Variants in EHBP1 observed in about 807,000 individuals in gnomAD.
The protein encoded by EHBP1 is EH domain binding protein 1, also known as EH domain-binding protein 1.
Under a neutral mutation model 144.0 loss-of-function variants are expected in EHBP1, and 55 were observed. The ratio of observed to expected loss-of-function variants is 0.38; its 90% CI spans 0.31 to 0.48. EHBP1 has a LOEUF of 0.48. Among genes scored for constraint, EHBP1 ranks in the 20% least tolerant of loss-of-function variants. The pLI, the probability that EHBP1 is intolerant of heterozygous loss-of-function variation, is 0.98. For missense variants in EHBP1, 1,200 were observed against 1,364.2 expected, an observed-to-expected ratio of 0.88 and a Z score of 1.90; for synonymous variants, 469 against 472.7, an observed-to-expected ratio of 0.99 and a Z score of 0.10.
intron 10 of EHBP1, among the ~76,000 whole-genome samples, chr2:62,884,075 A>G (rs1480580090): frequency 2.6e-5 from 4 of 152,224 alleles, no homozygotes; most frequent in Admixed American, 2.6e-4. Flanking sequence ...TTCTGTGTGT[A>G]TAAAAAATGT....
At chr2:62,768,283 A>T (rs928907377) in intron 4 of EHBP1, among the ~76,000 whole-genome samples, 1 of 152,166 alleles carries the variant, frequency 6.6e-6, no homozygotes, top group African/African-American at 2.4e-5. Flanking sequence ...CTAGACTAAT[A>T]AGAAAAGAGA....
At chr2:62,675,817 A>T (rs1015965106) in intron 1 of EHBP1, among the ~76,000 whole-genome samples, 2 of 152,132 alleles carry the variant, frequency 1.3e-5, no homozygotes, top group African/African-American at 4.8e-5. Context: ...CTGTGGTGCA[A>T]TCTTGGTTTA....
chr2:62,805,913 A>C (rs2044412684), intron 5 of EHBP1, among the ~76,000 whole-genome samples: 1 of 152,088 alleles, frequency 6.6e-6, no homozygotes, highest in Non-Finnish European at 1.5e-5. Flanking sequence ...CTGCATTTAG[A>C]ACCTTTATGT....
intron 8 of EHBP1, among the ~76,000 whole-genome samples, chr2:62,861,765 A>G (rs1447612058): frequency 6.6e-6 from 1 of 151,776 alleles, no homozygotes; most frequent in Non-Finnish European, 1.5e-5. Flanking sequence ...AAAAAAAGAA[A>G]GAAAGTCTTC....
rs200182084 is a variant in EHBP1, at chr2:62,948,213, A to G, written c.1414-47A>G. 180 of 1,436,456 alleles carry G rather than the reference A, an allele frequency of 1.3e-4. No individual in the cohort carries two copies. In the African/African-American group the frequency reaches 2.4e-3, roughly 19 times the overall value. 89.0% of individuals were successfully genotyped at this position (1,436,456 alleles called of 1,614,324 possible). On this transcript the variant is annotated intron_variant, in intron 12 of 22. Coordinates refer to ENST00000431489, the MANE Select transcript of EHBP1 (RefSeq NM_001142616.3). ...AATGTGCTCTTTTTAAAATGTGTGA[A>G]TTATATGAACTGTTCAATATATCTT...
Position 62,826,069 on chromosome 2 carries a change from T to A in EHBP1, c.313-18T>A, listed in dbSNP as rs755802754. 4 of 1,434,202 alleles carry A rather than the reference T, an allele frequency of 2.8e-6. No homozygotes were observed. In the African/African-American group the frequency reaches 4.4e-5, roughly 16 times the overall value. The allele number at this position is 1,434,202 out of a possible 1,614,324, so 88.8% of individuals were successfully genotyped here. On this transcript the variant is annotated intron_variant, in intron 5 of 22. Coordinates refer to ENST00000431489, the MANE Select transcript of EHBP1 (RefSeq NM_001142616.3). ...AATAACTCAAAATTACATACTTTTT[T>A]TTTCTTTAATCTTCCAGGAATCCCC...
intron 3 of EHBP1, among the ~76,000 whole-genome samples, chr2:62,761,619 G>C (rs1281714811): frequency 1.3e-5 from 2 of 152,050 alleles, no homozygotes; most frequent in Non-Finnish European, 2.9e-5. Flanking sequence ...TAAATCTGCT[G>C]CCTGACTTGC....
intron 10 of EHBP1, among the ~76,000 whole-genome samples, chr2:62,905,511 T>A (rs1296621661): frequency 6.6e-6 from 1 of 152,038 alleles, no homozygotes; most frequent in African/African-American, 2.4e-5. Context: ...GGAAATGATA[T>A]AATCAGGTAC....
chr2:63,008,959 T>G (rs1372980340), intron 19 of EHBP1, among the ~76,000 whole-genome samples: 7 of 151,712 alleles, frequency 4.6e-5, no homozygotes, highest in Admixed American at 1.3e-4. Flanking sequence ...TAATTGAGTT[T>G]GAAGGGGGAA....
chr2:62,684,312 G>A (rs976585431), intron 1 of EHBP1, among the ~76,000 whole-genome samples: 1 of 152,068 alleles, frequency 6.6e-6, no homozygotes, highest in Non-Finnish European at 1.5e-5. Flanking sequence ...GTGGAGGGAT[G>A]GGGGTAGAGT....
At chr2:62,983,406 A>G (rs2059051901) in intron 15 of EHBP1, among the ~76,000 whole-genome samples, 1 of 152,098 alleles carries the variant, frequency 6.6e-6, no homozygotes, top group Admixed American at 6.6e-5. Context: ...ATTACATATC[A>G]TGTCATATAG....
At chr2:62,832,617 A>G (rs1252285751) in intron 7 of EHBP1, among the ~76,000 whole-genome samples, 2 of 151,670 alleles carry the variant, frequency 1.3e-5, no homozygotes, top group Non-Finnish European at 2.9e-5. Context: ...CATTATTATT[A>G]TATCTGTTAT....
At chr2:62,859,699 G>A (rs934940291) in intron 8 of EHBP1, among the ~76,000 whole-genome samples, 2 of 152,178 alleles carry the variant, frequency 1.3e-5, no homozygotes, top group Non-Finnish European at 2.9e-5. Flanking sequence ...TTAGTAGTGA[G>A]AGTGAGTTAT....
At chr2:62,917,398 A>C (rs987199298) in intron 10 of EHBP1, among the ~76,000 whole-genome samples, 2 of 152,110 alleles carry the variant, frequency 1.3e-5, no homozygotes, top group African/African-American at 4.8e-5. Context: ...ATTGACTGAA[A>C]CATTATGCAG....
At chr2:63,036,489 A>T (rs1474707283) in intron 19 of EHBP1, among the ~76,000 whole-genome samples, 1 of 151,994 alleles carries the variant, frequency 6.6e-6, no homozygotes, top group Non-Finnish European at 1.5e-5. Flanking sequence ...CTTAGGGAAT[A>T]ATAATCTGAA....
intron 12 of EHBP1, among the ~76,000 whole-genome samples, chr2:62,944,353 G>A (rs1364483604): frequency 1.3e-5 from 2 of 152,142 alleles, no homozygotes; most frequent in East Asian, 3.9e-4. Context: ...CCACATAGAT[G>A]GTGATGTACC....
chr2:62,927,702 A>G (rs1215407598), intron 10 of EHBP1, among the ~76,000 whole-genome samples: 13 of 152,218 alleles, frequency 8.5e-5, no homozygotes, highest in Admixed American at 8.5e-4. Flanking sequence ...ACAATAATGG[A>G]TAGAAGAATC....
intron 5 of EHBP1, among the ~76,000 whole-genome samples, chr2:62,778,454 G>A (rs895686968): frequency 3.3e-5 from 5 of 151,742 alleles, no homozygotes; most frequent in Non-Finnish European, 5.9e-5. Context: ...TGAGGCAAGA[G>A]GATTGGTTGA....
Position 62,948,790 on chromosome 2 carries a change from G to C in EHBP1, c.1944G>C (p.Leu648Phe). The C allele has an allele frequency of 6.2e-7, 1 of 1,614,138 alleles. No individual in the cohort carries two copies. Among genetic ancestry groups the C allele is most frequent in the East Asian group, 2.2e-5 (1 of 44,864 alleles). Residue 648 changes from leucine to phenylalanine, a missense_variant, in exon 13 of 23, where the codon TTG becomes TTC. This residue lies in a region of EHBP1 where 543 missense variants were observed against 513.1 expected (regional missense o/e 1.06). Transcript: ENST00000431489. ...CAGATTCAACCCAAGCACAGGTTTT[G>C]TTAGGCAAAAAGAGACTATTGAAAG... is the stretch of plus-strand genomic sequence containing the variant. ...SNTDSTQAQV[L>F]LGKKRLLKAE...
Sources: allele counts gnomAD v4.1 joint callset (sites outside exome capture counted in the v4.1 genomes callset), GRCh38; gene constraint gnomAD v4.1.1; regional missense constraint gnomAD v4.1.1; transcripts MANE v1.5; gene names NCBI Gene and HGNC (gene_info 2026-07-23, HGNC 2026-07-21).